DPM1: variants seen among roughly 807,000 people sequenced by gnomAD.
DPM1 encodes the protein dolichol-phosphate mannosyltransferase subunit 1.
DPM1 carries 27 observed loss-of-function variants against 39.0 expected under a neutral mutation model. The ratio of observed to expected loss-of-function variants is 0.69; its 90% CI spans 0.51 to 0.95. The LOEUF is 0.95. DPM1 is among the 40% of genes least tolerant of loss of function. The pLI is 0.00. For missense variants in DPM1, 307 were observed against 315.6 expected, an observed-to-expected ratio of 0.97 and a Z score of 0.21; for synonymous variants, 124 against 109.0, an observed-to-expected ratio of 1.14 and a Z score of -0.86.
chr20:50,934,873 A>C lies in DPM1; in HGVS notation c.*259T>G, dbSNP rs1985011041. 5 of 283,216 alleles carry C rather than the reference A, an allele frequency of 1.8e-5. No homozygotes were observed. In the South Asian group the frequency reaches 2.7e-4, roughly 15 times the overall value. 17.5% of individuals were successfully genotyped at this position (283,216 alleles called of 1,614,324 possible). On this transcript the variant is annotated 3_prime_UTR_variant, in exon 9 of 9. Coordinates refer to ENST00000371588, the MANE Select transcript of DPM1 (RefSeq NM_003859.3). ...ACTCTAATGAAGGCAGCAATACTTTATGCAAAAAAAAATATACATTTATTT... is the reference window on the plus strand; with the variant it reads ...ACTCTAATGAAGGCAGCAATACTTTCTGCAAAAAAAAATATACATTTATTT...
chr20:50,935,839 C>A (rs1306215552), intron 8 of DPM1, among the ~76,000 whole-genome samples: 1 of 151,914 alleles, frequency 6.6e-6, no homozygotes, highest in East Asian at 1.9e-4. Flanking sequence ...TGGCCATTGG[C>A]GGTGACAAAA....
intron 5 of DPM1, among the ~76,000 whole-genome samples, chr20:50,943,066 C>T (rs1308259414): frequency 6.6e-6 from 1 of 151,978 alleles, no homozygotes; most frequent in Non-Finnish European, 1.5e-5. Flanking sequence ...TTCCCAGCTC[C>T]TCTGGAGGCT....
chr20:50,940,971 C>T, intron 6 of DPM1, 38 bp from the exon 7 acceptor site: 1 of 1,593,900 alleles, frequency 6.3e-7, no homozygotes, highest in East Asian at 2.2e-5. Flanking sequence ...TTACAAAATA[C>T]AATTTATAAA....
intron 7 of DPM1, among the ~76,000 whole-genome samples, chr20:50,940,421 C>T (rs1053315930): frequency 1.6e-4 from 25 of 152,038 alleles, no homozygotes; most frequent in Non-Finnish European, 2.4e-4. Context: ...TCAGAGGGAC[C>T]GAAGCTTTGT....
chr20:50,943,789 G>C (rs1986078964), intron 5 of DPM1, among the ~76,000 whole-genome samples: 2 of 148,648 alleles, frequency 1.3e-5, no homozygotes, highest in African/African-American at 5.0e-5. Flanking sequence ...GCCCAGGCTG[G>C]AGTGCAGTGG....
Position 50,958,466 on chromosome 20 carries a change from G to A in DPM1, c.58C>T (p.Arg20Cys). Residue 20 changes from arginine to cysteine, a missense_variant, in exon 1 of 9, where the codon CGC becomes TGC. Around this residue, in one of 3 missense-constraint regions of DPM1, gnomAD observed 206 missense variants for 188.2 expected, o/e 1.09. Coordinates refer to ENST00000371588, the MANE Select transcript of DPM1 (RefSeq NM_003859.3). ...GAATATTTGTTCTGTCGTGGACTGCGCACTTCCAGCTCCCGCCGAGACCTG... is the reference window on the plus strand; with the variant it reads ...GAATATTTGTTCTGTCGTGGACTGCACACTTCCAGCTCCCGCCGAGACCTG... ...PRRSRRELEV[R>C]SPRQNKYSVL... The A allele has an allele frequency of 3.1e-6, 5 of 1,613,844 alleles. No homozygotes were observed. Among genetic ancestry groups the A allele is most frequent in the East Asian group, 2.2e-5 (1 of 44,858 alleles).
At chr20:50,938,172 G>T (rs941597695) in intron 7 of DPM1, among the ~76,000 whole-genome samples, 2 of 152,072 alleles carry the variant, frequency 1.3e-5, no homozygotes, top group African/African-American at 4.8e-5. Context: ...CCATAAATGC[G>T]ATTAGGATCC....
intron 6 of DPM1, 126 bp downstream of exon 6, chr20:50,941,905 A>G: frequency 2.5e-6 from 2 of 799,696 alleles, no homozygotes; most frequent in Non-Finnish European, 4.3e-6. Context: ...ACTATCTGGG[A>G]GTATTTACTG....
chr20:50,947,775 C>T (rs1986372589), intron 3 of DPM1, among the ~76,000 whole-genome samples: 1 of 152,008 alleles, frequency 6.6e-6, no homozygotes, highest in South Asian at 2.1e-4. Flanking sequence ...ATTATAGATG[C>T]GCGTCACGAC....
rs927141733 is a variant in DPM1, at chr20:50,935,063, C to A, written c.*69G>T. ...TTATACTTTAAGAGTACATTTTATA[C>A]AAATCAGTAACCAGGCTTCTTTCAT... On this transcript the variant is annotated 3_prime_UTR_variant, in exon 9 of 9. Coordinates refer to ENST00000371588, the MANE Select transcript of DPM1 (RefSeq NM_003859.3). The A allele has an allele frequency of 1.1e-6, 1 of 935,436 alleles. No homozygotes were observed. The allele number at this position is 935,436 out of a possible 1,614,324, so 57.9% of individuals were successfully genotyped here.
chr20:50,938,425 G>A (rs1267353183), intron 7 of DPM1, among the ~76,000 whole-genome samples: 2 of 148,730 alleles, frequency 1.3e-5, no homozygotes, highest in Non-Finnish European at 1.5e-5. Context: ...TCACTCTGTC[G>A]CCCAGGCTAG....
At chr20:50,956,531 GA>G (rs56159089) in intron 1 of DPM1, among the ~76,000 whole-genome samples, 36,242 of 100,466 alleles carry the variant, frequency 0.36, 4,318 homozygotes, top group Admixed American at 0.39. Context: ...GTCTCCAAAA[GA>G]AAAAAAAAAA....
intron 7 of DPM1, among the ~76,000 whole-genome samples, chr20:50,938,031 A>G (rs1006304826): frequency 6.6e-6 from 1 of 152,042 alleles, no homozygotes; most frequent in Admixed American, 6.6e-5. Context: ...TCTCTTTAAG[A>G]GTTGCTTTAT....
chr20:50,937,837 TTTTTA>T (rs1985345836), intron 7 of DPM1, among the ~76,000 whole-genome samples: 1 of 151,944 alleles, frequency 6.6e-6, no homozygotes, highest in Non-Finnish European at 1.5e-5. Flanking sequence ...ATTATTATTA[TTTTTA>T]TTTTTTTAGT....
chr20:50,935,387 T>C, intron 8 of DPM1, 151 bp from the exon 9 acceptor site: 2 of 631,544 alleles, frequency 3.2e-6, no homozygotes, highest in Admixed American at 6.1e-5. Flanking sequence ...TGAAAGCAAC[T>C]GTGTGTATCT....
intron 6 of DPM1, among the ~76,000 whole-genome samples, chr20:50,941,531 G>A (rs1235063286): frequency 4.6e-5 from 7 of 151,338 alleles, no homozygotes. Context: ...GGGCCACATG[G>A]TGAAACCCCA....
rs940115929 is a variant in DPM1, at chr20:50,946,985, G to T, written c.296-1062C>A. Among the ~76,000 whole-genome samples the T allele has an allele frequency of 5.3e-5, 8 of 152,290 alleles. 1 individual carries two copies. In the East Asian group the frequency reaches 1.5e-3, roughly 29 times the overall value. ...GCACTTTGGGAGGCCGAGGCAGGCG[G>T]ATCATCTGAGGTCGGGAATTCGAGA... On this transcript the variant is annotated intron_variant, in intron 3 of 8. Transcript: ENST00000371588.
In DPM1 at chr20:50,935,089, G is replaced by T; in HGVS notation, c.*43C>A. ...AAATCAGTAACCAGGCTTCTTTCAT[G>T]TTTAACCTGAAATGAACGTAACTAT... On this transcript the variant is annotated 3_prime_UTR_variant, in exon 9 of 9. Transcript: ENST00000371588. 8.6e-7 allele frequency: 1 copy of T among 1,167,536 alleles called. No homozygotes were observed. 72.3% of individuals were successfully genotyped at this position (1,167,536 alleles called of 1,614,324 possible).
chr20:50,947,150 G>T (rs1986336726), intron 3 of DPM1, among the ~76,000 whole-genome samples: 1 of 152,190 alleles, frequency 6.6e-6, no homozygotes. Flanking sequence ...AGAGATCGCG[G>T]TGAGCCGAGA....
Sources: allele counts gnomAD v4.1 joint callset (sites outside exome capture counted in the v4.1 genomes callset), GRCh38; gene constraint gnomAD v4.1.1; regional missense constraint gnomAD v4.1.1; transcripts MANE v1.5; gene names NCBI Gene and HGNC (gene_info 2026-07-23, HGNC 2026-07-21).